Variants in ZCWPW1 observed in about 807,000 individuals in gnomAD.
ZCWPW1 encodes zinc finger CW-type PWWP domain protein 1.
In ZCWPW1, 56 loss-of-function variants were observed where a neutral mutation model predicts 81.3. The ratio of observed to expected loss-of-function variants is 0.69; its 90% CI spans 0.56 to 0.86. The LOEUF is 0.86. ZCWPW1 is among the 40% of genes least tolerant of loss of function. The pLI is 0.00. For missense variants in ZCWPW1, 650 were observed against 769.8 expected (o/e 0.84, Z 1.84); for synonymous variants, 250 against 273.7 (o/e 0.91, Z 0.86).
chr7:100,426,514 T>C (rs991947276), intron 1 of ZCWPW1, among the ~76,000 whole-genome samples: 1 of 133,146 alleles, frequency 7.5e-6, no homozygotes, highest in Non-Finnish European at 1.7e-5. Flanking sequence ...AAAAAAAAAG[T>C]ATATTTCAAA....
At chr7:100,420,767 C>A (rs571527910) in intron 2 of ZCWPW1, 89 bp from the exon 3 acceptor site, 5 of 1,293,780 alleles carry the variant, frequency 3.9e-6, no homozygotes, top group Non-Finnish European at 5.5e-6. Context: ...CTCTTTGTTT[C>A]AGACCTCTGA....
chr7:100,425,976 T>C (rs1797245386), intron 1 of ZCWPW1, among the ~76,000 whole-genome samples: 2 of 152,224 alleles, frequency 1.3e-5, no homozygotes, highest in Admixed American at 1.3e-4. Flanking sequence ...GTTTGAGAAC[T>C]GACCTAGTGA....
chr7:100,418,394 C>A (rs1795746067), intron 5 of ZCWPW1, among the ~76,000 whole-genome samples: 1 of 152,168 alleles, frequency 6.6e-6, no homozygotes, highest in African/African-American at 2.4e-5. Flanking sequence ...CTCACGTCTA[C>A]AATCCCAACA....
intron 2 of ZCWPW1, among the ~76,000 whole-genome samples, chr7:100,422,042 G>A (rs1796451513): frequency 6.6e-6 from 1 of 152,146 alleles, no homozygotes; most frequent in Admixed American, 6.5e-5. Context: ...AATGGTAATG[G>A]CTAACACTTA....
intron 13 of ZCWPW1, 131 bp downstream of exon 13, chr7:100,404,882 T>C (rs1165949724): frequency 3.7e-6 from 3 of 819,450 alleles, no homozygotes; most frequent in Non-Finnish European, 5.5e-6. Flanking sequence ...AGGGCACTTA[T>C]ATCTGAAACC....
rs754689742 is a variant in ZCWPW1, at chr7:100,424,497, C to CT, written c.-30+532dup. Among the ~76,000 whole-genome samples the CT allele has an allele frequency of 8.5e-5, 13 of 152,196 alleles. 1 individual carries two copies. In the East Asian group the frequency reaches 2.3e-3, roughly 27 times the overall value. On this transcript the variant is annotated intron_variant, in intron 2 of 17. Transcript: ENST00000684423. ...ATTTTTTTTGAGACACAGTCTTGCT[C>CT]TATCACCAGGCTGGAGTGCAGTGGT...
chr7:100,415,075 A>ATTT (rs1165297451), intron 8 of ZCWPW1, among the ~76,000 whole-genome samples: 22 of 74,214 alleles, frequency 3.0e-4, no homozygotes, highest in African/African-American at 8.8e-4. Flanking sequence ...CTCCGTACCC[A>ATTT]TTTTTTTTTT....
In ZCWPW1 at chr7:100,419,780, G is replaced by C; in HGVS notation, c.132C>G (p.Ile44Met). The change falls in exon 4 of 18, where the codon ATC becomes ATG. Residue 44 changes from isoleucine to methionine, a missense_variant. By Grantham distance (10) the Ile-to-Met change is conservative. Coordinates refer to ENST00000684423, the MANE Select transcript of ZCWPW1 (RefSeq NM_001386010.1). The stretch of plus-strand genomic sequence containing the variant: ...TCCTGGCCTCTGTCTCTGGGGAACT[G>C]ATCCCCGGGGTCTCCTCCTTAGGGG... Reference protein sequence around the residue: ...PNSPKEETPGISSPETEARIS... With the variant: ...PNSPKEETPGMSSPETEARIS... 2 of 1,614,040 alleles carry C rather than the reference G, an allele frequency of 1.2e-6. No individual in the cohort carries two copies. The highest frequency in any genetic ancestry group is 1.7e-6 in the Non-Finnish European group (2 of 1,180,012).
intron 10 of ZCWPW1, 75 bp from the exon 11 acceptor site, chr7:100,407,378 A>T (rs769496543): frequency 7.6e-7 from 1 of 1,308,562 alleles, no homozygotes; most frequent in African/African-American, 1.5e-5. Flanking sequence ...ATCAATGTAC[A>T]TGCACAGAGA....
rs749593804 is a variant in ZCWPW1, at chr7:100,419,133, C to T, written c.339G>A (p.Gln113=). ...EFEEIVQIVL[Q]KSLQECLGMG... ...TACCCAAGCACTCCTGAAGGGACTTCTGCAGAACAATCTGGACAATCTCCT... is the reference window on the plus strand; with the variant it reads ...TACCCAAGCACTCCTGAAGGGACTTTTGCAGAACAATCTGGACAATCTCCT... Residue 113 remains glutamine (Q), a synonymous_variant, in exon 5 of 18, where the codon CAG becomes CAA. Coordinates refer to ENST00000684423, the MANE Select transcript of ZCWPW1 (RefSeq NM_001386010.1). The T allele has an allele frequency of 9.9e-6, 16 of 1,613,514 alleles. No individual in the cohort carries two copies. Among genetic ancestry groups the T allele is most frequent in the Middle Eastern group, 1.6e-4 (1 of 6,082 alleles).
intron 4 of ZCWPW1, 146 bp from the exon 5 acceptor site, chr7:100,419,335 A>G: frequency 1.3e-6 from 1 of 770,402 alleles, no homozygotes; most frequent in Non-Finnish European, 2.0e-6. Flanking sequence ...GCCATGAACT[A>G]TATCCCAGAT....
chr7:100,426,503 A>G (rs1268657633), intron 1 of ZCWPW1, among the ~76,000 whole-genome samples: 3 of 151,954 alleles, frequency 2.0e-5, no homozygotes, highest in Non-Finnish European at 4.4e-5. Context: ...AAAAAAAAAA[A>G]AAAAAAAAAG....
intron 2 of ZCWPW1, among the ~76,000 whole-genome samples, chr7:100,420,992 A>G (rs555595948): frequency 6.6e-6 from 1 of 152,296 alleles, no homozygotes; most frequent in South Asian, 2.1e-4. Context: ...TCTACAAAAA[A>G]TAAAACAAAT....
chr7:100,401,234 G>A lies in ZCWPW1; in HGVS notation c.1730C>T (p.Ala577Val), dbSNP rs376248734. Residue 577 changes from alanine to valine, a missense_variant, in exon 18 of 18, where the codon GCG becomes GTG. By Grantham distance (64) the Ala-to-Val change is moderately conservative (BLOSUM62 0). Coordinates refer to ENST00000684423, the MANE Select transcript of ZCWPW1 (RefSeq NM_001386010.1). ...AGATGAGGGGCAGGCCCCCTTACAC[G>A]CTGATAGGCCCAGGTTCTTTGGCAC... is the stretch of plus-strand genomic sequence containing the variant. Reference protein sequence around the residue: ...RTVPKNLGLSACKGACPSSAK... With the variant: ...RTVPKNLGLSVCKGACPSSAK... 9.3e-6 allele frequency: 15 copies of A among 1,614,090 alleles called. No individual in the cohort carries two copies. The highest frequency in any genetic ancestry group is 6.7e-5 in the East Asian group (3 of 44,900).
intron 17 of ZCWPW1, 118 bp downstream of exon 17, chr7:100,401,770 AT>A: frequency 7.5e-7 from 1 of 1,338,372 alleles, no homozygotes. Context: ...TTTCATTCTA[AT>A]TTTCATTCAT....
chr7:100,409,978 G>A (rs1793857871), intron 8 of ZCWPW1, among the ~76,000 whole-genome samples: 1 of 152,176 alleles, frequency 6.6e-6, no homozygotes, highest in Non-Finnish European at 1.5e-5. Context: ...AACATCCAGA[G>A]TTCTTATCCA....
At chr7:100,411,947 A>G (rs1794256302) in intron 8 of ZCWPW1, among the ~76,000 whole-genome samples, 1 of 152,196 alleles carries the variant, frequency 6.6e-6, no homozygotes, top group Admixed American at 6.5e-5. Flanking sequence ...CTCTATGATC[A>G]TGAAGACTGA....
At chr7:100,415,090 T>TG (rs1211350864) in intron 8 of ZCWPW1, among the ~76,000 whole-genome samples, 1 of 143,086 alleles carries the variant, frequency 7.0e-6, no homozygotes, top group Non-Finnish European at 1.5e-5. Flanking sequence ...TTTTTTTTTT[T>TG]TTTTTTTTTT....
rs1792709447 is a variant in ZCWPW1, at chr7:100,405,100, TAGA to T, written c.1174-10_1174-8del. ...AGTCATTTCTGCGCTTTTTCTGAAATAGAAGATTAGAGCCAATGATAAATATTG... is the reference window on the plus strand; with the variant it reads ...AGTCATTTCTGCGCTTTTTCTGAAATAGATTAGAGCCAATGATAAATATTG... On this transcript the variant is annotated splice_polypyrimidine_tract_variant and splice_region_variant and intron_variant, in intron 12 of 17. Coordinates refer to ENST00000684423, the MANE Select transcript of ZCWPW1 (RefSeq NM_001386010.1). 1 of 1,610,822 alleles carries T rather than the reference TAGA, an allele frequency of 6.2e-7. No homozygotes were observed. The highest frequency in any genetic ancestry group is 8.5e-7 in the Non-Finnish European group (1 of 1,178,704).
Sources: gnomAD v4.1 joint callset for allele counts (sites outside exome capture counted in the v4.1 genomes callset) on GRCh38, gnomAD v4.1.1 for gene constraint, MANE v1.5 for transcripts, NCBI Gene and HGNC (gene_info 2026-07-23, HGNC 2026-07-21) for gene names.